The following GPATCH8 variants were observed in gnomAD, a reference collection of about 807,000 sequenced individuals.
GPATCH8 encodes the protein G patch domain-containing protein 8.
GPATCH8 carries 18 observed loss-of-function variants against 118.3 expected under a neutral mutation model. The observed-to-expected ratio is 0.15, with a 90% CI of 0.11 to 0.23. GPATCH8 has a LOEUF of 0.23. GPATCH8 is among the 10% of genes least tolerant of loss of function. The pLI is 1.00. For synonymous variants in GPATCH8, 659 were observed against 684.7 expected (o/e 0.96, Z 0.59); for missense variants, 1,631 against 1,873.8 (o/e 0.87, Z 2.39).
intron 2 of GPATCH8, among the ~76,000 whole-genome samples, chr17:44,472,498 T>C (rs776286946): frequency 9.9e-5 from 15 of 152,192 alleles, no homozygotes; most frequent in Non-Finnish European, 1.8e-4. Flanking sequence ...GTTTAAAAAA[T>C]ATTTGTTAAG....
chr17:44,492,953 C>G (rs1017968275), intron 1 of GPATCH8, among the ~76,000 whole-genome samples: 1 of 151,892 alleles, frequency 6.6e-6, no homozygotes, highest in Non-Finnish European at 1.5e-5. Flanking sequence ...ATGGGATTAT[C>G]TGCTAGACCC....
chr17:44,403,831 T>G (rs1386304317), intron 7 of GPATCH8, among the ~76,000 whole-genome samples: 1 of 151,820 alleles, frequency 6.6e-6, no homozygotes, highest in African/African-American at 2.4e-5. Context: ...GTAGCTGGGA[T>G]TACAGGCGTA....
Position 44,398,260 on chromosome 17 carries a change from C to T in GPATCH8, c.3817G>A (p.Ala1273Thr). 1 of 1,613,288 alleles carries T rather than the reference C, an allele frequency of 6.2e-7. No homozygotes were observed. Among genetic ancestry groups the T allele is most frequent in the Non-Finnish European group, 8.5e-7 (1 of 1,179,554 alleles). Reference sequence around the variant, plus strand: ...CTGGGGAAATGCTCAAGGTCTGGTGCTATAGGCAGCAAGCTGGACTCCACA... The same window carrying T: ...CTGGGGAAATGCTCAAGGTCTGGTGTTATAGGCAGCAAGCTGGACTCCACA... ...GPVESSLLPI[A>T]PDLEHFPSYA... Residue 1273 changes from alanine to threonine, a missense_variant, in exon 8 of 8, where the codon GCA becomes ACA. Ala to Thr is a moderately conservative substitution (Grantham distance 58). Transcript: ENST00000591680.
intron 5 of GPATCH8, among the ~76,000 whole-genome samples, chr17:44,431,704 G>A (rs2050321377): frequency 6.6e-6 from 1 of 151,980 alleles, no homozygotes; most frequent in Admixed American, 6.6e-5. Flanking sequence ...GCTGAGGTAG[G>A]GGGATCATTT....
At chr17:44,433,877 G>A (rs1426785769) in intron 5 of GPATCH8, among the ~76,000 whole-genome samples, 1 of 152,130 alleles carries the variant, frequency 6.6e-6, no homozygotes, top group African/African-American at 2.4e-5. Context: ...AGTGGCTCAC[G>A]CCTGTAATCC....
Position 44,469,849 on chromosome 17 carries a change from T to C in GPATCH8, c.120+4980A>G, listed in dbSNP as rs545352749. On this transcript the variant is annotated intron_variant, in intron 2 of 7. Transcript: ENST00000591680. ...CATTATTTCTAGTGCAGTCCACATA[T>C]GGTCACTGCTAAATGTCAAATCAGC... Among the ~76,000 whole-genome samples, 3 of 152,338 alleles carry C rather than the reference T, an allele frequency of 2.0e-5. No homozygotes were observed. The South Asian group carries it at 6.2e-4, about 32-fold the overall frequency.
chr17:44,421,197 C>T (rs1014278017), intron 6 of GPATCH8, among the ~76,000 whole-genome samples: 3 of 151,182 alleles, frequency 2.0e-5, no homozygotes, highest in Admixed American at 2.0e-4. Context: ...AAAAATTAGC[C>T]GGGCGTGGTG....
intron 5 of GPATCH8, among the ~76,000 whole-genome samples, chr17:44,430,476 C>T (rs28412336): frequency 0.54 from 81,843 of 151,852 alleles, 22,733 homozygotes; most frequent in Middle Eastern, 0.62. Flanking sequence ...TTTGACAAAA[C>T]CCAATACTCT....
intron 5 of GPATCH8, among the ~76,000 whole-genome samples, chr17:44,427,034 CAT>C (rs2050115045): frequency 6.6e-6 from 1 of 151,936 alleles, no homozygotes; most frequent in Non-Finnish European, 1.5e-5. Context: ...TATATACACA[CAT>C]ATACATAAGT....
intron 6 of GPATCH8, among the ~76,000 whole-genome samples, chr17:44,416,753 A>G (rs2049701187): frequency 6.6e-6 from 1 of 152,206 alleles, no homozygotes; most frequent in African/African-American, 2.4e-5. Flanking sequence ...GACAAAGTTA[A>G]TTAAATCATG....
In GPATCH8 at chr17:44,492,233, G is replaced by A. The variant is rs373505046; in HGVS notation, c.45+11093C>T. ...GGAGAATGGCGAGAACCTGGGAGGC[G>A]GAGCTTGCAGTGAGCTGAGATGGCT... On this transcript the variant is annotated intron_variant, in intron 1 of 7. Transcript: ENST00000591680. 3.9e-3 allele frequency among the ~76,000 whole-genome samples: 576 copies of A among 147,680 alleles called. 5 individuals are homozygous for A. The highest frequency in any genetic ancestry group is 0.013 in the African/African-American group (526 of 39,776).
rs771387005 is a variant in GPATCH8, at chr17:44,474,910, AAAG to A, written c.46-10_46-8del. 1 of 1,415,228 alleles carries A rather than the reference AAAG, an allele frequency of 7.1e-7. No individual in the cohort carries two copies. The highest frequency in any genetic ancestry group is 1.0e-6 in the Non-Finnish European group (1 of 999,094). 87.7% of individuals were successfully genotyped at this position (1,415,228 alleles called of 1,614,324 possible). On this transcript the variant is annotated splice_region_variant and splice_polypyrimidine_tract_variant and intron_variant, in intron 1 of 7. Coordinates refer to ENST00000591680, the MANE Select transcript of GPATCH8 (RefSeq NM_001002909.4). ...ACTGATCAAAGTGATTACCCTGAAA[AAAG>A]ATGATTACAGTTATTTTTCAAAAGC... is the stretch of plus-strand genomic sequence containing the variant.
chr17:44,435,777 T>C (rs1006660825), intron 4 of GPATCH8, among the ~76,000 whole-genome samples: 1 of 143,538 alleles, frequency 7.0e-6, no homozygotes, highest in Admixed American at 6.9e-5. Flanking sequence ...ATCCCAGCAC[T>C]GTGGGAGGCC....
At position 44,401,143 on chromosome 17, in the gene GPATCH8, G is replaced by A. The variant is rs1208810279; in HGVS notation, c.934C>T (p.Leu312Phe). The A allele has an allele frequency of 6.2e-7, 1 of 1,614,016 alleles. No homozygotes were observed. The highest frequency in any genetic ancestry group is 8.5e-7 in the Non-Finnish European group (1 of 1,179,986). ...TTGAAAACTGATGCTATTGATTCGA[G>A]TTTGACAGGAGCCTTTTTGGCAAAA... The part of the protein sequence containing the change: ...FSFAKKAPVK[L>F]ESIASVFKDH... The change falls in exon 8 of 8, where the codon CTC becomes TTC. Residue 312 changes from leucine (L) to phenylalanine (F), a missense_variant. This residue lies in a region of GPATCH8 where 405 missense variants were observed against 462.7 expected (regional missense o/e 0.88). Transcript: ENST00000591680.
intron 5 of GPATCH8, 134 bp from the exon 6 acceptor site, chr17:44,424,626 TG>T: frequency 1.4e-6 from 1 of 698,402 alleles, no homozygotes; most frequent in South Asian, 1.6e-5. Flanking sequence ...CAGTAAAAGC[TG>T]GATGAAACAC....
At chr17:44,446,885 A>C (rs2050904192) in intron 3 of GPATCH8, among the ~76,000 whole-genome samples, 1 of 151,888 alleles carries the variant, frequency 6.6e-6, no homozygotes, top group Non-Finnish European at 1.5e-5. Flanking sequence ...CCCAGGCTGG[A>C]GCACAGTGTC....
chr17:44,426,994 C>A (rs967238099), intron 5 of GPATCH8, among the ~76,000 whole-genome samples: 1 of 151,808 alleles, frequency 6.6e-6, no homozygotes, highest in African/African-American at 2.4e-5. Flanking sequence ...AATACATACA[C>A]GTATATATGG....
intron 7 of GPATCH8, among the ~76,000 whole-genome samples, chr17:44,403,532 T>C (rs1461209535): frequency 6.6e-6 from 1 of 152,180 alleles, no homozygotes; most frequent in African/African-American, 2.4e-5. Flanking sequence ...GCAATTTTTA[T>C]AGTTTGTACA....
At chr17:44,433,021 T>G (rs1162067781) in intron 5 of GPATCH8, among the ~76,000 whole-genome samples, 1 of 152,100 alleles carries the variant, frequency 6.6e-6, no homozygotes, top group African/African-American at 2.4e-5. Context: ...TTTTTCTTTT[T>G]TCTTTTTGTA....
Sources: allele counts gnomAD v4.1 joint callset (sites outside exome capture counted in the v4.1 genomes callset), GRCh38; gene constraint gnomAD v4.1.1; regional missense constraint gnomAD v4.1.1; transcripts MANE v1.5; gene names NCBI Gene and HGNC (gene_info 2026-07-23, HGNC 2026-07-21).